CPNE4: variants seen among roughly 807,000 people sequenced by gnomAD.
The protein encoded by CPNE4 is copine 4, also known as copine-4.
In CPNE4, 25 loss-of-function variants were observed where a neutral mutation model predicts 67.9. The observed-to-expected ratio is 0.37, with a 90% CI of 0.27 to 0.51. The LOEUF (loss-of-function observed/expected upper bound fraction) is 0.51, where lower values mean the gene tolerates loss of function less well. Ranked by LOEUF, CPNE4 falls within the 20% of genes least tolerant of loss-of-function variation. The pLI is 0.93. For synonymous variants in CPNE4, 242 were observed against 244.9 expected (o/e 0.99, Z 0.11); for missense variants, 464 against 690.8 (o/e 0.67, Z 3.68).
intron 1 of CPNE4, among the ~76,000 whole-genome samples, chr3:131,957,913 C>T (rs1187370956): frequency 1.3e-5 from 2 of 152,156 alleles, no homozygotes; most frequent in African/African-American, 4.8e-5. Context: ...GATGTGAAAA[C>T]TTCTAAACAC....
intron 2 of CPNE4, among the ~76,000 whole-genome samples, chr3:131,885,460 A>G (rs1295135539): frequency 6.6e-6 from 1 of 151,826 alleles, no homozygotes; most frequent in Non-Finnish European, 1.5e-5. Context: ...GATTTATGAC[A>G]AATACAGCAC....
intron 7 of CPNE4, among the ~76,000 whole-genome samples, chr3:131,654,754 T>C (rs1279114366): frequency 6.6e-6 from 1 of 152,230 alleles, no homozygotes; most frequent in Non-Finnish European, 1.5e-5. Flanking sequence ...TACAATTGAC[T>C]AGAGTAGTGG....
intron 5 of CPNE4, among the ~76,000 whole-genome samples, chr3:131,694,104 G>C (rs995996638): frequency 4.6e-5 from 7 of 152,124 alleles, no homozygotes; most frequent in Admixed American, 1.3e-4. Context: ...ACCACCGTCT[G>C]AATTGGATAT....
chr3:131,734,969 A>G (rs2082203325), intron 2 of CPNE4, among the ~76,000 whole-genome samples: 2 of 152,086 alleles, frequency 1.3e-5, no homozygotes. Context: ...TAGCTATATC[A>G]CCTGATTCCT....
At chr3:131,955,422 T>G (rs866215981) in intron 1 of CPNE4, among the ~76,000 whole-genome samples, 8 of 129,034 alleles carry the variant, frequency 6.2e-5, no homozygotes, top group East Asian at 4.2e-4. Flanking sequence ...TTTTTTTTTT[T>G]TTTTTTTTTT....
intron 2 of CPNE4, among the ~76,000 whole-genome samples, chr3:131,852,801 A>G (rs1358314189): frequency 6.6e-6 from 1 of 151,730 alleles, no homozygotes; most frequent in East Asian, 1.9e-4. Flanking sequence ...ACAGGATACC[A>G]TTTCAATATA....
intron 7 of CPNE4, among the ~76,000 whole-genome samples, chr3:131,616,296 G>A (rs997151450): frequency 2.6e-5 from 4 of 152,160 alleles, no homozygotes; most frequent in Non-Finnish European, 5.9e-5. Context: ...GAATAAATGC[G>A]AACCTCTGCT....
chr3:131,725,326 C>T (rs1266198952), intron 2 of CPNE4, among the ~76,000 whole-genome samples: 1 of 152,174 alleles, frequency 6.6e-6, no homozygotes, highest in African/African-American at 2.4e-5. Context: ...ACACTACCTG[C>T]CATTATTGGT....
intron 11 of CPNE4, among the ~76,000 whole-genome samples, chr3:131,561,049 T>C (rs926464401): frequency 5.9e-5 from 9 of 152,066 alleles, no homozygotes; most frequent in Non-Finnish European, 5.9e-5. Flanking sequence ...TCTCATACCA[T>C]AACTAGTACA....
At chr3:131,606,386 A>G (rs1329175472) in intron 7 of CPNE4, among the ~76,000 whole-genome samples, 3 of 152,172 alleles carry the variant, frequency 2.0e-5, no homozygotes, top group Non-Finnish European at 4.4e-5. Flanking sequence ...CCAATCATAC[A>G]TGAATGATCC....
chr3:131,786,652 T>A (rs1583196429), intron 2 of CPNE4, among the ~76,000 whole-genome samples: 1 of 152,274 alleles, frequency 6.6e-6, no homozygotes, highest in East Asian at 1.9e-4. Context: ...ATGAGGTACA[T>A]ACATATTCTT....
chr3:131,572,855 T>A (rs1426144599), intron 10 of CPNE4, among the ~76,000 whole-genome samples: 2 of 152,062 alleles, frequency 1.3e-5, no homozygotes, highest in African/African-American at 2.4e-5. Flanking sequence ...GAAACCTTCC[T>A]CTCTTCACTT....
chr3:131,819,489 G>GAGACACACAC, intron 2 of CPNE4, among the ~76,000 whole-genome samples: 1 of 96,992 alleles, frequency 1.0e-5, no homozygotes, highest in Non-Finnish European at 2.4e-5. Context: ...GACACACACA[G>GAGACACACAC]ATACACACAC....
At chr3:131,969,052 T>C (rs933657768) in intron 1 of CPNE4, among the ~76,000 whole-genome samples, 5 of 151,868 alleles carry the variant, frequency 3.3e-5, no homozygotes, top group Non-Finnish European at 5.9e-5. Flanking sequence ...TCATATCCTT[T>C]GCAGGGACAT....
At chr3:132,013,015 G>C (rs925807861) in intron 1 of CPNE4, among the ~76,000 whole-genome samples, 4 of 152,184 alleles carry the variant, frequency 2.6e-5, no homozygotes, top group African/African-American at 9.7e-5. Flanking sequence ...CTGAGGTCAG[G>C]AGATCGAGAC....
intron 7 of CPNE4, among the ~76,000 whole-genome samples, chr3:131,604,033 A>G (rs1939360829): frequency 6.6e-6 from 1 of 152,162 alleles, no homozygotes; most frequent in South Asian, 2.1e-4. Context: ...GTGGGATCAC[A>G]CTTGATCAAC....
intron 2 of CPNE4, among the ~76,000 whole-genome samples, chr3:131,897,188 T>G (rs1422861206): frequency 6.6e-6 from 1 of 151,848 alleles, no homozygotes; most frequent in Non-Finnish European, 1.5e-5. Context: ...ATGAGAGAGG[T>G]GCAGTGTCAT....
intron 1 of CPNE4, among the ~76,000 whole-genome samples, chr3:131,982,505 T>C (rs2072933213): frequency 6.6e-6 from 1 of 152,190 alleles, no homozygotes; most frequent in South Asian, 2.1e-4. Context: ...TCAAATGCAG[T>C]TATTATGTGC....
At chr3:131,544,077 C>A (rs993425691) in intron 14 of CPNE4, among the ~76,000 whole-genome samples, 2 of 152,160 alleles carry the variant, frequency 1.3e-5, no homozygotes, top group Non-Finnish European at 2.9e-5. Flanking sequence ...ACATGAGAGG[C>A]ATCATGATGG....
Sources: allele counts gnomAD v4.1 joint callset (sites outside exome capture counted in the v4.1 genomes callset), GRCh38; gene constraint gnomAD v4.1.1; transcripts MANE v1.5; gene names NCBI Gene and HGNC (gene_info 2026-07-23, HGNC 2026-07-21).